Variants in PLCXD3 observed in about 807,000 individuals in gnomAD.
PLCXD3 encodes PI-PLC X domain-containing protein 3.
A neutral mutation model predicts 25.5 loss-of-function variants in PLCXD3; 19 were observed. That is an observed-to-expected ratio of 0.75 (90% CI 0.52 to 1.09). The LOEUF is 1.09. Among genes scored for constraint, PLCXD3 ranks in the 50% least tolerant of loss-of-function variants. The pLI, the probability that PLCXD3 is intolerant of heterozygous loss-of-function variation, is 0.00. For synonymous variants in PLCXD3, 174 were observed against 137.6 expected, an observed-to-expected ratio of 1.26 and a Z score of -1.85; for missense variants, 411 against 388.1, an observed-to-expected ratio of 1.06 and a Z score of -0.50.
chr5:41,492,709 C>G (rs1248915084), intron 1 of PLCXD3, among the ~76,000 whole-genome samples: 4 of 152,236 alleles, frequency 2.6e-5, no homozygotes, highest in Non-Finnish European at 4.4e-5. Context: ...ACCCTTTCTT[C>G]CAGTTGACCG....
chr5:41,434,445 T>C (rs974903802), intron 1 of PLCXD3, among the ~76,000 whole-genome samples: 1 of 152,158 alleles, frequency 6.6e-6, no homozygotes, highest in African/African-American at 2.4e-5. Flanking sequence ...AGATCTGACC[T>C]AGCTAGGGAG....
chr5:41,313,707 A>T lies in PLCXD3; in HGVS notation c.876T>A (p.Ile292=). The T allele has an allele frequency of 1.9e-6, 3 of 1,613,822 alleles. No individual in the cohort carries two copies. Among genetic ancestry groups the T allele is most frequent in the Non-Finnish European group, 2.5e-6 (3 of 1,179,790 alleles). ...CAAGTTCTACAAAATCGGCAGTGAC[A>T]ATATTGATGCCACTCTCTCCTGGCT... ...TQKPGESGIN[I]VTADFVELGD... Residue 292 remains isoleucine, a synonymous_variant, in exon 3 of 3, where the codon ATT becomes ATA. Coordinates refer to ENST00000377801, the MANE Select transcript of PLCXD3 (RefSeq NM_001005473.3).
chr5:41,350,316 C>T (rs907777399), intron 2 of PLCXD3, among the ~76,000 whole-genome samples: 3 of 152,160 alleles, frequency 2.0e-5, no homozygotes, highest in Non-Finnish European at 4.4e-5. Context: ...ACAGTTCCCA[C>T]TACCTGACCC....
chr5:41,504,248 A>G (rs1268450785), intron 1 of PLCXD3, among the ~76,000 whole-genome samples: 1 of 152,214 alleles, frequency 6.6e-6, no homozygotes, highest in Non-Finnish European at 1.5e-5. Context: ...AAAATCAAGA[A>G]GATTCCTGAA....
intron 2 of PLCXD3, among the ~76,000 whole-genome samples, chr5:41,326,641 A>G (rs999179278): frequency 3.3e-5 from 5 of 151,732 alleles, no homozygotes; most frequent in Non-Finnish European, 7.4e-5. Context: ...ATTGCTCCCT[A>G]CCATTTAAGA....
At chr5:41,314,748 G>T (rs1450318022) in intron 2 of PLCXD3, among the ~76,000 whole-genome samples, 1 of 152,150 alleles carries the variant, frequency 6.6e-6, no homozygotes, top group Non-Finnish European at 1.5e-5. Context: ...AAAGGGGGCA[G>T]ATTCTGTAGG....
intron 1 of PLCXD3, among the ~76,000 whole-genome samples, chr5:41,471,189 G>T (rs959583011): frequency 6.6e-6 from 1 of 152,110 alleles, no homozygotes; most frequent in Non-Finnish European, 1.5e-5. Flanking sequence ...CACAAACAAA[G>T]CACCTTCATA....
rs1440351238 is a variant in PLCXD3, at chr5:41,509,203, T to A, written c.103+1221A>T. ...CTTTATTATGTTTTCCTCCAACAGC[T>A]GAGAGGGGGCGCTGGATGGGGCAGA... is the stretch of plus-strand genomic sequence containing the variant. On this transcript the variant is annotated intron_variant, in intron 1 of 2. Coordinates refer to ENST00000377801, the MANE Select transcript of PLCXD3 (RefSeq NM_001005473.3). 2.0e-5 allele frequency among the ~76,000 whole-genome samples: 3 copies of A among 152,162 alleles called. No homozygotes were observed. The East Asian group carries it at 5.8e-4, about 29-fold the overall frequency.
At chr5:41,423,672 G>C (rs566056046) in intron 1 of PLCXD3, among the ~76,000 whole-genome samples, 1 of 152,046 alleles carries the variant, frequency 6.6e-6, no homozygotes. Flanking sequence ...CTGGCCGGGC[G>C]TGGTGGATCA....
intron 1 of PLCXD3, among the ~76,000 whole-genome samples, chr5:41,498,618 A>C (rs887472016): frequency 1.2e-4 from 18 of 151,816 alleles, no homozygotes; most frequent in African/African-American, 4.3e-4. Context: ...CTTCCAAAAA[A>C]ACTGAAGAGA....
intron 1 of PLCXD3, among the ~76,000 whole-genome samples, chr5:41,425,136 A>G (rs990434674): frequency 6.6e-6 from 1 of 152,126 alleles, no homozygotes; most frequent in Non-Finnish European, 1.5e-5. Context: ...TTCTCTTGTT[A>G]TAATGCTTTT....
At chr5:41,475,069 T>C (rs533945636) in intron 1 of PLCXD3, among the ~76,000 whole-genome samples, 1 of 152,310 alleles carries the variant, frequency 6.6e-6, no homozygotes, top group South Asian at 2.1e-4. Flanking sequence ...CCAAAGGTGC[T>C]GTAGGTGGGG....
intron 2 of PLCXD3, among the ~76,000 whole-genome samples, chr5:41,338,977 A>G (rs1389020139): frequency 6.6e-6 from 1 of 151,974 alleles, no homozygotes; most frequent in East Asian, 1.9e-4. Flanking sequence ...GCCAAAGATT[A>G]TTTTGGCTAT....
chr5:41,424,369 C>G (rs1351710717), intron 1 of PLCXD3, among the ~76,000 whole-genome samples: 1 of 152,094 alleles, frequency 6.6e-6, no homozygotes, highest in African/African-American at 2.4e-5. Flanking sequence ...GGATAAACCC[C>G]GTCTCTACTA....
intron 1 of PLCXD3, among the ~76,000 whole-genome samples, chr5:41,464,069 C>A (rs553755461): frequency 6.6e-6 from 1 of 152,120 alleles, no homozygotes; most frequent in Admixed American, 6.5e-5. Context: ...AATTGCCACT[C>A]ACAGACCACT....
At chr5:41,399,334 G>GA (rs1247658507) in intron 1 of PLCXD3, among the ~76,000 whole-genome samples, 1 of 152,068 alleles carries the variant, frequency 6.6e-6, no homozygotes, top group Non-Finnish European at 1.5e-5. Context: ...CACAGAAATA[G>GA]AAAAAACAAT....
chr5:41,343,176 C>T (rs918047679), intron 2 of PLCXD3, among the ~76,000 whole-genome samples: 8 of 152,112 alleles, frequency 5.3e-5, no homozygotes, highest in African/African-American at 1.4e-4. Flanking sequence ...CCTGTTCTGG[C>T]TCCTTACCCA....
chr5:41,411,309 A>G (rs1228086753), intron 1 of PLCXD3, among the ~76,000 whole-genome samples: 1 of 152,218 alleles, frequency 6.6e-6, no homozygotes, highest in African/African-American at 2.4e-5. Context: ...CAGAAATAAC[A>G]TCTCCTTGAA....
chr5:41,461,879 C>G (rs527407687), intron 1 of PLCXD3, among the ~76,000 whole-genome samples: 222 of 152,050 alleles, frequency 1.5e-3, no homozygotes, highest in African/African-American at 5.3e-3. Flanking sequence ...GTCCTATATT[C>G]CTATGTTTCC....
Sources: gnomAD v4.1 joint callset for allele counts (sites outside exome capture counted in the v4.1 genomes callset) on GRCh38, gnomAD v4.1.1 for gene constraint, MANE v1.5 for transcripts, NCBI Gene and HGNC (gene_info 2026-07-23, HGNC 2026-07-21) for gene names.